TMEM161B: variants seen among roughly 807,000 people sequenced by gnomAD.
TMEM161B encodes the protein transmembrane protein 161B.
TMEM161B carries 34 observed loss-of-function variants against 61.8 expected under a neutral mutation model. The ratio of observed to expected loss-of-function variants is 0.55; its 90% CI spans 0.42 to 0.73. TMEM161B has a LOEUF of 0.73. Ranked by LOEUF, TMEM161B falls within the 30% of genes least tolerant of loss-of-function variation. The pLI is 0.00. For synonymous variants in TMEM161B, 167 were observed against 192.8 expected, an observed-to-expected ratio of 0.87 and a Z score of 1.11; for missense variants, 456 against 558.5, an observed-to-expected ratio of 0.82 and a Z score of 1.85.
intron 4 of TMEM161B, among the ~76,000 whole-genome samples, chr5:88,221,096 A>G (rs576180441): frequency 2.2e-4 from 33 of 152,304 alleles, no homozygotes; most frequent in Non-Finnish European, 4.0e-4. Flanking sequence ...ACTTCAGAAA[A>G]CAACTTAGTC....
chr5:88,207,173 G>A lies in TMEM161B; in HGVS notation c.454C>T (p.Leu152=). 6.2e-7 allele frequency: 1 copy of A among 1,604,528 alleles called. No homozygotes were observed. The highest frequency in any genetic ancestry group is 8.5e-7 in the Non-Finnish European group (1 of 1,177,202). Reference sequence around the variant, plus strand: ...AAATAGTGTGTAGTTAATGAAAATAGAACTTTGCTGCAGAAGGAAAAGTTC... The same window carrying A: ...AAATAGTGTGTAGTTAATGAAAATAAAACTTTGCTGCAGAAGGAAAAGTTC... ...LLVLSFAIKV[L]FSLTTHYFKV... is the part of the protein sequence containing the mutation. The change falls in exon 6 of 12, where the codon CTA becomes TTA. Residue 152 remains leucine (L), a synonymous_variant. Coordinates refer to ENST00000296595, the MANE Select transcript of TMEM161B (RefSeq NM_153354.5).
intron 2 of TMEM161B, among the ~76,000 whole-genome samples, chr5:88,230,642 G>C (rs1750836116): frequency 6.6e-6 from 1 of 152,022 alleles, no homozygotes; most frequent in Admixed American, 6.6e-5. Flanking sequence ...TTCATCCCTT[G>C]GTGCTTTTTG....
intron 3 of TMEM161B, 51 bp from the exon 4 acceptor site, chr5:88,225,917 C>T (rs550753849): frequency 2.6e-6 from 3 of 1,162,124 alleles, no homozygotes; most frequent in Admixed American, 4.5e-5. Flanking sequence ...ACACTGTTAT[C>T]CAAGTGCTTG....
intron 1 of TMEM161B, among the ~76,000 whole-genome samples, chr5:88,266,310 T>G (rs568667708): frequency 6.6e-6 from 1 of 152,172 alleles, no homozygotes; most frequent in Non-Finnish European, 1.5e-5. Context: ...AGTGAAAGAC[T>G]TGGCCAAATA....
At chr5:88,190,750 T>G (rs1480215163), downstream of TMEM161B, among the ~76,000 whole-genome samples, 7 of 152,236 alleles carry the variant, frequency 4.6e-5, no homozygotes, top group Non-Finnish European at 1.5e-5. Context: ...TAATCTAATT[T>G]CTGATATAGT....
chr5:88,205,127 T>A (rs931293088), intron 8 of TMEM161B, among the ~76,000 whole-genome samples: 2 of 152,156 alleles, frequency 1.3e-5, no homozygotes, highest in Admixed American at 6.5e-5. Context: ...TGCCAAGATG[T>A]CTACATCAAC....
intron 5 of TMEM161B, among the ~76,000 whole-genome samples, chr5:88,218,051 A>T (rs1267974316): frequency 6.6e-6 from 1 of 152,128 alleles, no homozygotes; most frequent in Non-Finnish European, 1.5e-5. Flanking sequence ...AAATTATATC[A>T]GAAATTCAAA....
chr5:88,268,787 C>A lies in TMEM161B; in HGVS notation c.-64G>T. ...TGCCGGGGCAGTCCCAAACCTCTTA[C>A]CTCCCGGTCCTTGAGCCGAGAGACT... On this transcript the variant is annotated 5_prime_UTR_variant, in exon 1 of 12. Coordinates refer to ENST00000296595, the MANE Select transcript of TMEM161B (RefSeq NM_153354.5). 1 of 1,612,938 alleles carries A rather than the reference C, an allele frequency of 6.2e-7. No homozygotes were observed. Among genetic ancestry groups the A allele is most frequent in the Non-Finnish European group, 8.5e-7 (1 of 1,179,374 alleles).
At chr5:88,265,687 A>G (rs1249847023) in intron 1 of TMEM161B, among the ~76,000 whole-genome samples, 2 of 152,036 alleles carry the variant, frequency 1.3e-5, no homozygotes, top group Admixed American at 6.5e-5. Flanking sequence ...TGAGCCTATT[A>G]TATGTGTTTC....
At chr5:88,258,213 T>C (rs1436992749) in intron 1 of TMEM161B, among the ~76,000 whole-genome samples, 2 of 152,222 alleles carry the variant, frequency 1.3e-5, no homozygotes, top group Admixed American at 1.3e-4. Context: ...CTGTCCCTAT[T>C]GACTAGAAAA....
At chr5:88,252,753 G>A (rs527661142) in intron 1 of TMEM161B, among the ~76,000 whole-genome samples, 8 of 152,298 alleles carry the variant, frequency 5.3e-5, no homozygotes, top group African/African-American at 1.7e-4. Context: ...CGGCTTTTCC[G>A]AACACACGGC....
downstream of TMEM161B, among the ~76,000 whole-genome samples, chr5:88,194,031 C>A (rs1227694376): frequency 1.3e-5 from 2 of 152,102 alleles, no homozygotes; most frequent in Non-Finnish European, 2.9e-5. Flanking sequence ...CATACATGTG[C>A]CGGTTTGCTA....
At chr5:88,239,519 A>G (rs1157184941) in intron 2 of TMEM161B, among the ~76,000 whole-genome samples, 1 of 152,022 alleles carries the variant, frequency 6.6e-6, no homozygotes, top group Non-Finnish European at 1.5e-5. Context: ...AAGCCTACAC[A>G]GTAAAAAAAT....
At chr5:88,204,067 C>G (rs773538236) in intron 8 of TMEM161B, among the ~76,000 whole-genome samples, 1 of 151,950 alleles carries the variant, frequency 6.6e-6, no homozygotes, top group African/African-American at 2.4e-5. Context: ...TAAAGTATCA[C>G]TACATAGGCA....
intron 4 of TMEM161B, among the ~76,000 whole-genome samples, chr5:88,225,056 C>T (rs1749787279): frequency 6.6e-6 from 1 of 151,156 alleles, no homozygotes; most frequent in East Asian, 2.0e-4. Context: ...CAACCTCCGC[C>T]TCCCGGGTTC....
chr5:88,228,990 G>A (rs941780924), intron 2 of TMEM161B, among the ~76,000 whole-genome samples: 9 of 151,912 alleles, frequency 5.9e-5, no homozygotes, highest in African/African-American at 1.7e-4. Flanking sequence ...AATTTAGTTC[G>A]AGAATTCTCA....
chr5:88,193,925 C>T (rs571054643), downstream of TMEM161B, among the ~76,000 whole-genome samples: 4 of 152,220 alleles, frequency 2.6e-5, no homozygotes, highest in East Asian at 1.9e-4. Flanking sequence ...ACACATGAAG[C>T]GTCATTAGGA....
chr5:88,196,648 G>A (rs560313293), intron 11 of TMEM161B, among the ~76,000 whole-genome samples, 160 bp from the exon 12 acceptor site: 28 of 152,038 alleles, frequency 1.8e-4, no homozygotes, highest in Non-Finnish European at 2.9e-4. Context: ...TTCTAGATCT[G>A]TAAAAAATTA....
intron 5 of TMEM161B, among the ~76,000 whole-genome samples, chr5:88,211,993 G>T (rs1746899584): frequency 6.6e-6 from 1 of 152,018 alleles, no homozygotes; most frequent in African/African-American, 2.4e-5. Context: ...TCCTCATGAG[G>T]TACATGAGCA....
Sources: gnomAD v4.1 joint callset for allele counts (sites outside exome capture counted in the v4.1 genomes callset) on GRCh38, gnomAD v4.1.1 for gene constraint, MANE v1.5 for transcripts, NCBI Gene and HGNC (gene_info 2026-07-23, HGNC 2026-07-21) for gene names.